The following DNAH11 variants were observed in gnomAD, a reference collection of about 807,000 sequenced individuals.
DNAH11 encodes the protein dynein axonemal heavy chain 11, also known as axonemal beta dynein heavy chain 11.
Under a neutral mutation model 526.0 loss-of-function variants are expected in DNAH11, and 442 were observed. The ratio of observed to expected loss-of-function variants is 0.84; its 90% CI spans 0.78 to 0.91. The LOEUF is 0.91. Among genes scored for constraint, DNAH11 ranks in the 40% least tolerant of loss-of-function variants. The probability of loss-of-function intolerance (pLI) is 0.00; values close to 1 mark genes in which losing one functional copy is unlikely to be tolerated. For synonymous variants in DNAH11, 2,461 were observed against 1,935.9 expected, an observed-to-expected ratio of 1.27 and a Z score of -7.12; for missense variants, 6,989 against 5,448.7, an observed-to-expected ratio of 1.28 and a Z score of -8.90.
In DNAH11 at chr7:21,789,357, T is replaced by C; in HGVS notation, c.10026+15T>C. 2 of 1,547,594 alleles carry C rather than the reference T, an allele frequency of 1.3e-6. No homozygotes were observed. Among genetic ancestry groups the C allele is most frequent in the Non-Finnish European group, 1.7e-6 (2 of 1,143,592 alleles). On this transcript the variant is annotated intron_variant, in intron 61 of 81. Transcript: ENST00000409508. Reference sequence around the variant, plus strand: ...AAAAGCTTGTGGTGAGTGCAAACTATGACATTGAAAAGGTTCCCAAGAGGT... The same window carrying C: ...AAAAGCTTGTGGTGAGTGCAAACTACGACATTGAAAAGGTTCCCAAGAGGT...
At chr7:21,559,525 C>A in intron 3 of DNAH11, 78 bp from the exon 4 acceptor site, 1 of 1,196,732 alleles carries the variant, frequency 8.4e-7, no homozygotes, top group Non-Finnish European at 1.2e-6. Flanking sequence ...TTATGGATGC[C>A]TAAAATAACT....
chr7:21,595,140 C>T (rs1583512222), intron 14 of DNAH11, among the ~76,000 whole-genome samples: 1 of 152,228 alleles, frequency 6.6e-6, no homozygotes, highest in East Asian at 1.9e-4. Context: ...CAGGTGCCAG[C>T]ATGATCAGTT....
At chr7:21,849,519 C>T (rs1426475489) in intron 66 of DNAH11, among the ~76,000 whole-genome samples, 2 of 152,086 alleles carry the variant, frequency 1.3e-5, no homozygotes, top group Non-Finnish European at 2.9e-5. Flanking sequence ...CAACAAAATC[C>T]CTCAGTCTTC....
intron 30 of DNAH11, 23 bp downstream of exon 30, chr7:21,659,054 T>C (rs1199171070): frequency 6.5e-7 from 1 of 1,530,490 alleles, no homozygotes; most frequent in African/African-American, 1.4e-5. Flanking sequence ...TTTGTGATTT[T>C]GAGACATAAA....
At chr7:21,815,244 G>A (rs938390273) in intron 63 of DNAH11, among the ~76,000 whole-genome samples, 5 of 152,150 alleles carry the variant, frequency 3.3e-5, no homozygotes, top group African/African-American at 1.2e-4. Flanking sequence ...TTTGTATTAA[G>A]TAGAAGGTAA....
At chr7:21,720,604 C>A in intron 43 of DNAH11, 121 bp from the exon 44 acceptor site, 2 of 1,146,164 alleles carry the variant, frequency 1.7e-6, no homozygotes, top group Non-Finnish European at 2.4e-6. Flanking sequence ...CCCAATGTAG[C>A]AAATCACAGC....
At chr7:21,876,534 A>G (rs1258291685) in intron 74 of DNAH11, among the ~76,000 whole-genome samples, 2 of 152,240 alleles carry the variant, frequency 1.3e-5, no homozygotes, top group East Asian at 1.9e-4. Context: ...AAAAGTTCTT[A>G]TAAAATAACA....
chr7:21,581,088 C>T (rs115555062), intron 8 of DNAH11, among the ~76,000 whole-genome samples: 13 of 152,104 alleles, frequency 8.5e-5, no homozygotes, highest in Non-Finnish European at 1.3e-4. Flanking sequence ...ATTCTATTAC[C>T]GTTGTTATTG....
chr7:21,728,372 C>A (rs890869121), intron 45 of DNAH11, among the ~76,000 whole-genome samples: 2 of 150,692 alleles, frequency 1.3e-5, no homozygotes, highest in Admixed American at 1.3e-4. Context: ...ATTCTCCTGC[C>A]TCAGCCTCCC....
At chr7:21,557,808 C>T (rs907852569) in intron 2 of DNAH11, among the ~76,000 whole-genome samples, 1 of 152,152 alleles carries the variant, frequency 6.6e-6, no homozygotes, top group African/African-American at 2.4e-5. Context: ...CTGGACATAC[C>T]TCTAATCATG....
In DNAH11 at chr7:21,901,307, G is replaced by A; in HGVS notation, c.*53G>A. On this transcript the variant is annotated 3_prime_UTR_variant, in exon 82 of 82. Coordinates refer to ENST00000409508, the MANE Select transcript of DNAH11 (RefSeq NM_001277115.2). ...GCTGGAGTGCAGTGAGGATTTTCTAGCATGTTGCTGCACTGTTCCCATGCA... is the reference window on the plus strand; with the variant it reads ...GCTGGAGTGCAGTGAGGATTTTCTAACATGTTGCTGCACTGTTCCCATGCA... 6.7e-7 allele frequency: 1 copy of A among 1,500,524 alleles called. No homozygotes were observed. Among genetic ancestry groups the A allele is most frequent in the South Asian group, 1.4e-5 (1 of 69,524 alleles). 93.0% of individuals were successfully genotyped at this position (1,500,524 alleles called of 1,614,324 possible). A position where few individuals can be genotyped will look rare whatever the true frequency, so the allele number is the denominator to read the frequency against.
intron 9 of DNAH11, among the ~76,000 whole-genome samples, chr7:21,586,598 T>C (rs1476289368): frequency 6.6e-6 from 1 of 152,238 alleles, no homozygotes; most frequent in East Asian, 1.9e-4. Flanking sequence ...TGGAAATATT[T>C]GCAAATTTTT....
chr7:21,630,080 C>T (rs1445162905), intron 25 of DNAH11, among the ~76,000 whole-genome samples: 3 of 151,664 alleles, frequency 2.0e-5, no homozygotes, highest in African/African-American at 7.3e-5. Flanking sequence ...GAATCCATTA[C>T]AGGTTTTTGC....
chr7:21,544,812 G>C (rs913268184), intron 1 of DNAH11, among the ~76,000 whole-genome samples, 194 bp from the exon 2 acceptor site: 1 of 151,996 alleles, frequency 6.6e-6, no homozygotes, highest in Non-Finnish European at 1.5e-5. Flanking sequence ...TGTGAAATTA[G>C]CATTATAAAA....
chr7:21,718,766 G>A (rs1784767363), intron 43 of DNAH11, among the ~76,000 whole-genome samples: 1 of 152,098 alleles, frequency 6.6e-6, no homozygotes. Flanking sequence ...TGCTTTCTAA[G>A]TACTTTGTTA....
At chr7:21,807,233 T>C (rs1414994188) in intron 62 of DNAH11, among the ~76,000 whole-genome samples, 1 of 152,186 alleles carries the variant, frequency 6.6e-6, no homozygotes, top group African/African-American at 2.4e-5. Flanking sequence ...GTGCGGTGGC[T>C]CACGCCTGTA....
At chr7:21,771,350 CT>C (rs1787426446) in intron 55 of DNAH11, among the ~76,000 whole-genome samples, 3 of 152,226 alleles carry the variant, frequency 2.0e-5, no homozygotes, top group Admixed American at 2.0e-4. Context: ...TTCAACTCTG[CT>C]GTTTGTCATT....
At chr7:21,864,414 T>C in intron 69 of DNAH11, 121 bp from the exon 70 acceptor site, 1 of 812,946 alleles carries the variant, frequency 1.2e-6, no homozygotes, top group Non-Finnish European at 1.8e-6. Context: ...AGATGTCAAG[T>C]GGAGTTCCCA....
intron 25 of DNAH11, among the ~76,000 whole-genome samples, chr7:21,633,899 A>C (rs547868810): frequency 1.9e-4 from 29 of 152,202 alleles, no homozygotes; most frequent in Non-Finnish European, 3.7e-4. Flanking sequence ...GGATGTCTCT[A>C]CCATTCAAAG....
Sources: gnomAD v4.1 joint callset for allele counts (sites outside exome capture counted in the v4.1 genomes callset) on GRCh38, gnomAD v4.1.1 for gene constraint, MANE v1.5 for transcripts, NCBI Gene and HGNC (gene_info 2026-07-23, HGNC 2026-07-21) for gene names.